Variants in EPB41L2 observed in about 807,000 individuals in gnomAD.
EPB41L2 encodes erythrocyte membrane protein band 4.1 like 2, also known as band 4.1-like protein 2.
A neutral mutation model predicts 113.0 loss-of-function variants in EPB41L2; 43 were observed. That is an observed-to-expected ratio of 0.38 (90% confidence interval 0.30 to 0.49). The LOEUF is 0.49. Among genes scored for constraint, EPB41L2 ranks in the 20% least tolerant of loss-of-function variants. The pLI is 0.95. For missense variants in EPB41L2, 1,147 were observed against 1,223.4 expected, an observed-to-expected ratio of 0.94 and a Z score of 0.93; for synonymous variants, 442 against 436.7, an observed-to-expected ratio of 1.01 and a Z score of -0.15.
In EPB41L2 at chr6:130,904,560, C is replaced by T. The variant is rs1221321579; in HGVS notation, c.854-20G>A. 4.0e-6 allele frequency: 6 copies of T among 1,485,380 alleles called. No homozygotes were observed. Among genetic ancestry groups the T allele is most frequent in the Admixed American group, 1.7e-5 (1 of 58,020 alleles). 92.0% of individuals were successfully genotyped at this position (1,485,380 alleles called of 1,614,324 possible). A position where few individuals can be genotyped will look rare whatever the true frequency, so the allele number is the denominator to read the frequency against. On this transcript the variant is annotated intron_variant, in intron 5 of 19. Coordinates refer to ENST00000337057, the MANE Select transcript of EPB41L2 (RefSeq NM_001431.4). Reference sequence around the variant, plus strand: ...GAAGGTCTGTAATTATTAAATATCACAGTTATGCACCCAATTAACAGAAGA... The same window carrying T: ...GAAGGTCTGTAATTATTAAATATCATAGTTATGCACCCAATTAACAGAAGA...
At chr6:130,999,670 G>T (rs963671971) in intron 1 of EPB41L2, among the ~76,000 whole-genome samples, 3 of 152,086 alleles carry the variant, frequency 2.0e-5, no homozygotes, top group Admixed American at 2.0e-4. Context: ...TCTAAGAAAA[G>T]CAAGAAGAAA....
chr6:130,974,137 G>A (rs1235313871), intron 1 of EPB41L2, among the ~76,000 whole-genome samples: 2 of 152,074 alleles, frequency 1.3e-5, no homozygotes, highest in African/African-American at 4.8e-5. Flanking sequence ...TAGGAGCTTT[G>A]GGAGATAGGT....
intron 1 of EPB41L2, among the ~76,000 whole-genome samples, chr6:131,050,449 A>C (rs1382045865): frequency 6.6e-6 from 1 of 152,174 alleles, no homozygotes; most frequent in Non-Finnish European, 1.5e-5. Context: ...ATAGATTTGA[A>C]TGTCTAAATC....
intron 8 of EPB41L2, 27 bp from the exon 9 acceptor site, chr6:130,895,146 G>C (rs1328290603): frequency 1.0e-5 from 16 of 1,563,444 alleles, no homozygotes; most frequent in Non-Finnish European, 1.1e-5. Flanking sequence ...AATTAACCAT[G>C]GTTAAGAGCT....
intron 1 of EPB41L2, among the ~76,000 whole-genome samples, chr6:131,014,729 T>C (rs1787794410): frequency 6.6e-6 from 1 of 152,134 alleles, no homozygotes; most frequent in South Asian, 2.1e-4. Flanking sequence ...CAAAGGAACC[T>C]CGATTCAATT....
chr6:130,923,204 G>A (rs1803463118), intron 4 of EPB41L2, among the ~76,000 whole-genome samples: 2 of 151,966 alleles, frequency 1.3e-5, no homozygotes, highest in African/African-American at 4.8e-5. Context: ...TACTTCCACT[G>A]CCAAAACCTT....
intron 1 of EPB41L2, among the ~76,000 whole-genome samples, chr6:130,999,849 G>A (rs552689396): frequency 6.6e-6 from 1 of 152,284 alleles, no homozygotes; most frequent in Non-Finnish European, 1.5e-5. Flanking sequence ...CTAACTGACT[G>A]AAAGATCAGC....
chr6:130,870,441 T>C (rs1785271623), intron 14 of EPB41L2: 3 of 1,514,166 alleles, frequency 2.0e-6, no homozygotes. Context: ...CAACAACCAC[T>C]GAAACAAACA....
rs1583273967 is a variant in EPB41L2, at chr6:130,903,675, T to TC, written c.929+789_929+790insG. On this transcript the variant is annotated intron_variant, in intron 6 of 19. Transcript: ENST00000337057. ...AAATATGGTATATAAAAATCATCCT[T>TC]TAAAAAAAAAAATCAACCCTTTATA... Among the ~76,000 whole-genome samples, 3 of 119,956 alleles carry TC rather than the reference T, an allele frequency of 2.5e-5. No individual in the cohort carries two copies. The East Asian group carries it at 8.0e-4, about 32-fold the overall frequency. The allele number at this position is 119,956 out of a possible 152,430, so 78.7% of individuals were successfully genotyped here.
intron 1 of EPB41L2, among the ~76,000 whole-genome samples, chr6:131,048,316 T>C (rs1413266639): frequency 1.3e-5 from 2 of 152,172 alleles, no homozygotes; most frequent in African/African-American, 4.8e-5. Context: ...TTGTTGGGGT[T>C]TTTGTTGTAT....
Position 130,955,192 on chromosome 6 carries a change from C to G in EPB41L2, c.618G>C (p.Lys206Asn). Residue 206 changes from lysine to asparagine, a missense_variant, in exon 3 of 20, where the codon AAG (lysine) becomes AAC (asparagine). By Grantham distance (94) the Lys-to-Asn change is moderately conservative. Coordinates refer to ENST00000337057, the MANE Select transcript of EPB41L2 (RefSeq NM_001431.4). Reference sequence around the variant, plus strand: ...TCTTCTTGGTGACTTTTTGAGATGCCTTCTCTGCTTTCAGCTCATTGGTCT... The same window carrying G: ...TCTTCTTGGTGACTTTTTGAGATGCGTTCTCTGCTTTCAGCTCATTGGTCT... ...EVQTNELKAE[K>N]ASQKVTKKTK... The G allele has an allele frequency of 6.2e-7, 1 of 1,614,130 alleles. No homozygotes were observed. The highest frequency in any genetic ancestry group is 2.2e-5 in the East Asian group (1 of 44,878).
intron 8 of EPB41L2, among the ~76,000 whole-genome samples, chr6:130,896,007 C>T (rs1327150759): frequency 6.6e-6 from 1 of 152,152 alleles, no homozygotes; most frequent in East Asian, 1.9e-4. Flanking sequence ...AAATTGAAGA[C>T]TACCGCTCAA....
chr6:130,982,055 A>C (rs896571408), intron 1 of EPB41L2, among the ~76,000 whole-genome samples: 3 of 151,864 alleles, frequency 2.0e-5, no homozygotes, highest in Non-Finnish European at 4.4e-5. Flanking sequence ...ATTTATTTTG[A>C]GCTTTATTTC....
In EPB41L2 at chr6:130,895,047, T is replaced by C. The variant is rs1332088018; in HGVS notation, c.1309A>G (p.Ile437Val). 6.2e-7 allele frequency: 1 copy of C among 1,614,052 alleles called. No individual in the cohort carries two copies. The highest frequency in any genetic ancestry group is 1.3e-5 in the African/African-American group (1 of 75,034). Residue 437 changes from isoleucine to valine, a missense_variant, in exon 9 of 20, where the codon ATC becomes GTC. Ile to Val is a conservative substitution (Grantham distance 29, BLOSUM62 3). Transcript: ENST00000337057. Reference protein sequence around the residue: ...GLLIYKDRLRINRFAWPKILK... With the variant: ...GLLIYKDRLRVNRFAWPKILK... Reference sequence around the variant, plus strand: ...ATTTTCGGCCAAGCAAAACGATTGATTCGCAGTCTGTCTTTGTAAATGAGA... The same window carrying C: ...ATTTTCGGCCAAGCAAAACGATTGACTCGCAGTCTGTCTTTGTAAATGAGA...
At chr6:131,045,026 A>G (rs1466324073) in intron 1 of EPB41L2, among the ~76,000 whole-genome samples, 1 of 152,216 alleles carries the variant, frequency 6.6e-6, no homozygotes, top group Non-Finnish European at 1.5e-5. Context: ...TATTTCTTCC[A>G]GCAGATTTTG....
chr6:131,046,178 C>G (rs1453129068), intron 1 of EPB41L2, among the ~76,000 whole-genome samples: 2 of 151,552 alleles, frequency 1.3e-5, no homozygotes, highest in Admixed American at 1.3e-4. Flanking sequence ...CCTCAGCCTC[C>G]CAAAGTGCTA....
rs1234856068 is a variant in EPB41L2, at chr6:131,029,903, CT to C, written c.-15+33251del. Among the ~76,000 whole-genome samples, 478 of 139,956 alleles carry C rather than the reference CT, an allele frequency of 3.4e-3. 1 individual carries two copies. The highest frequency in any genetic ancestry group is 7.8e-3 in the African/African-American group (301 of 38,460). 91.8% of individuals were successfully genotyped at this position (139,956 alleles called of 152,430 possible). ...CAAGGGAGGATTTTTCTCTTTTTTT[CT>C]TTTTTTTTTTTTTATGCAGCACCCC... On this transcript the variant is annotated intron_variant, in intron 1 of 19. Transcript: ENST00000337057.
At chr6:130,880,118 G>C (rs766951049) in intron 13 of EPB41L2, 26 bp downstream of exon 13, 3 of 1,560,834 alleles carry the variant, frequency 1.9e-6, no homozygotes, top group Non-Finnish European at 2.6e-6. Context: ...CATTAGGACA[G>C]AGTTGTTTTC....
chr6:131,036,195 A>G (rs1005501834), intron 1 of EPB41L2, among the ~76,000 whole-genome samples: 5 of 152,198 alleles, frequency 3.3e-5, no homozygotes, highest in African/African-American at 9.6e-5. Context: ...GGCAAAGTGA[A>G]AGGAGGAAGG....
Sources: allele counts gnomAD v4.1 joint callset (sites outside exome capture counted in the v4.1 genomes callset), GRCh38; gene constraint gnomAD v4.1.1; transcripts MANE v1.5; gene names NCBI Gene and HGNC (gene_info 2026-07-23, HGNC 2026-07-21).